FATE1: variants seen among roughly 807,000 people sequenced by gnomAD.
FATE1 encodes fetal and adult testis-expressed transcript protein.
In FATE1, 18 loss-of-function variants were observed where a neutral mutation model predicts 16.0. The ratio of observed to expected loss-of-function variants is 1.12; its 90% confidence interval spans 0.78 to 1.66. FATE1 has a LOEUF of 1.66. FATE1 is among the 40% of genes most tolerant of loss of function. The pLI is 0.00. For missense variants in FATE1, 169 were observed against 152.7 expected, an observed-to-expected ratio of 1.11 and a Z score of -0.56; for synonymous variants, 76 against 56.9, an observed-to-expected ratio of 1.34 and a Z score of -1.51.
In FATE1 at chrX:151,716,091, C is replaced by T. The variant is rs1452135611; in HGVS notation, c.-29C>T. 2 of 1,130,483 alleles carry T rather than the reference C, an allele frequency of 1.8e-6. No homozygotes were observed. The highest frequency in any genetic ancestry group is 2.4e-6 in the Non-Finnish European group (2 of 843,325). 93.2% of individuals were successfully genotyped at this position (1,130,483 alleles called of 1,213,427 possible). A position where few individuals can be genotyped will look rare whatever the true frequency, so the allele number is the denominator to read the frequency against. On this transcript the variant is annotated 5_prime_UTR_variant, in exon 1 of 5. Coordinates refer to ENST00000370350, the MANE Select transcript of FATE1 (RefSeq NM_033085.3). ...TCCTGGCACCCTGTGCATCCTTAGC[C>T]ATAGCTTACAAGAGAACAGCTGGTT...
intron 2 of FATE1, 99 bp downstream of exon 2, chrX:151,717,498 G>A (rs2062525055): frequency 2.1e-6 from 2 of 955,507 alleles, no homozygotes; most frequent in Non-Finnish European, 2.8e-6. Context: ...GCTAGACGTT[G>A]ACTTGTGAGG....
Position 151,717,385 on chromosome X carries a change from C to T in FATE1, c.220C>T (p.Arg74Ter), listed in dbSNP as rs2015070771. Residue 74 changes from arginine to a stop codon, truncating the protein, a stop_gained, in exon 2 of 5, where the codon CGA (arginine) becomes TGA (stop). Coordinates refer to ENST00000370350, the MANE Select transcript of FATE1 (RefSeq NM_033085.3). LOFTEE classifies it high-confidence loss of function. ...AKRVWNMTATRPKKMGSQLPK... is the reference protein window; with the variant it reads ...AKRVWNMTAT ...ACGAGTTTGGAATATGACTGCCACC[C>T]GACCCAAGAAAATGGTACTGTATGG... 6 of 1,202,689 alleles carry T rather than the reference C, an allele frequency of 5.0e-6. No homozygotes were observed. Among genetic ancestry groups the T allele is most frequent in the Non-Finnish European group, 6.7e-6 (6 of 890,153 alleles).
chrX:151,716,243 T>C lies in FATE1; in HGVS notation c.106+18T>C, dbSNP rs1381639449. On this transcript the variant is annotated intron_variant, in intron 1 of 4. Transcript: ENST00000370350. ...GATAGCAGGTGAGGATCCCCTAAAA[T>C]ACCCCTAGGCTACAGCCAACTGTGT... The C allele has an allele frequency of 1.8e-6, 2 of 1,139,433 alleles. No homozygotes were observed. The highest frequency in any genetic ancestry group is 2.4e-6 in the Non-Finnish European group (2 of 847,744). 93.9% of individuals were successfully genotyped at this position (1,139,433 alleles called of 1,213,427 possible).
chrX:151,722,269 A>G (rs986258874), intron 4 of FATE1, among the ~76,000 whole-genome samples: 1 of 111,874 alleles, frequency 8.9e-6, no homozygotes, highest in Non-Finnish European at 1.9e-5. Flanking sequence ...CCAGAGAGAG[A>G]GTGATACCTA....
chrX:151,719,468 C>T (rs778012979), intron 2 of FATE1, among the ~76,000 whole-genome samples: 1 of 112,225 alleles, frequency 8.9e-6, no homozygotes, highest in Non-Finnish European at 1.9e-5. Flanking sequence ...GCCATTCATC[C>T]TTATTTTTTG....
intron 4 of FATE1, 91 bp downstream of exon 4, chrX:151,722,072 A>T: frequency 1.2e-6 from 1 of 822,587 alleles, no homozygotes; most frequent in South Asian, 2.3e-5. Flanking sequence ...AGTCCCTTAC[A>T]GTCATCTTTC....
At chrX:151,721,295 A>G in intron 2 of FATE1, 100 bp from the exon 3 acceptor site, 2 of 718,704 alleles carry the variant, frequency 2.8e-6, no homozygotes, top group Non-Finnish European at 2.2e-6. Flanking sequence ...ACCAGGCACC[A>G]TGTGATTCCC....
At position 151,722,872 on chromosome X, in the gene FATE1, G is replaced by C; in HGVS notation, c.*113G>C. The stretch of plus-strand genomic sequence containing the variant: ...TTTCATCTCCCAGCAGCCCTCAGGA[G>C]CGTCAGGATCATTTTCAACTCTGGT... On this transcript the variant is annotated 3_prime_UTR_variant, in exon 5 of 5. Transcript: ENST00000370350. The C allele has an allele frequency of 1.0e-6, 1 of 992,372 alleles. No homozygotes were observed. Among genetic ancestry groups the C allele is most frequent in the Non-Finnish European group, 1.4e-6 (1 of 740,303 alleles). 81.8% of individuals were successfully genotyped at this position (992,372 alleles called of 1,213,427 possible). A position where few individuals can be genotyped will look rare whatever the true frequency, so the allele number is the denominator to read the frequency against.
intron 4 of FATE1, among the ~76,000 whole-genome samples, chrX:151,722,239 C>T (rs954808150): frequency 1.8e-5 from 2 of 111,461 alleles, no homozygotes; most frequent in Non-Finnish European, 3.8e-5. Context: ...AGGGAACATA[C>T]AAGGATAAGG....
In FATE1 at chrX:151,723,146, G is replaced by A. The variant is rs1245704737; in HGVS notation, c.*387G>A. ...CGTTTGCTTCCACCTCGTGCACAGC[G>A]CTCTGCACAGACAACACGCTCAATA... On this transcript the variant is annotated 3_prime_UTR_variant, in exon 5 of 5. Transcript: ENST00000370350. The A allele has an allele frequency of 6.8e-6, 1 of 147,223 alleles. No homozygotes were observed. The highest frequency in any genetic ancestry group is 1.3e-5 in the Non-Finnish European group (1 of 75,210). 12.1% of individuals were successfully genotyped at this position (147,223 alleles called of 1,213,427 possible).
At chrX:151,720,398 A>G (rs747764262) in intron 2 of FATE1, among the ~76,000 whole-genome samples, 1 of 111,393 alleles carries the variant, frequency 9.0e-6, no homozygotes, top group Non-Finnish European at 1.9e-5. Flanking sequence ...ATGGGTTTGT[A>G]CTGTTTTACT....
At chrX:151,717,492 G>C in intron 2 of FATE1, 93 bp downstream of exon 2, 2 of 997,209 alleles carry the variant, frequency 2.0e-6, no homozygotes, top group Non-Finnish European at 2.7e-6. Context: ...GGCAGGGCTA[G>C]ACGTTGACTT....
chrX:151,716,165 C>T lies in FATE1; in HGVS notation c.46C>T (p.Leu16=). Residue 16 remains leucine (L), a synonymous_variant, in exon 1 of 5, where the codon CTG becomes TTG. Coordinates refer to ENST00000370350, the MANE Select transcript of FATE1 (RefSeq NM_033085.3). ...PNTKAEMEMS[L]AEELNHGRQG... Reference sequence around the variant, plus strand: ...CACCAAGGCGGAGATGGAAATGTCCCTGGCAGAAGAACTGAATCATGGACG... The same window carrying T: ...CACCAAGGCGGAGATGGAAATGTCCTTGGCAGAAGAACTGAATCATGGACG... The T allele has an allele frequency of 8.6e-7, 1 of 1,167,670 alleles. No homozygotes were observed. Among genetic ancestry groups the T allele is most frequent in the Non-Finnish European group, 1.1e-6 (1 of 872,928 alleles).
In FATE1 at chrX:151,721,366, G is replaced by A. The variant is rs755696320; in HGVS notation, c.235-29G>A. 6 of 1,183,420 alleles carry A rather than the reference G, an allele frequency of 5.1e-6. No individual in the cohort carries two copies. In the African/African-American group the frequency reaches 8.8e-5, roughly 17 times the overall value. Reference sequence around the variant, plus strand: ...AAGCCACTCATGTGGGGTTGGGCAGGCTACTTTACTGACCATTCCTTTCTT... The same window carrying A: ...AAGCCACTCATGTGGGGTTGGGCAGACTACTTTACTGACCATTCCTTTCTT... On this transcript the variant is annotated intron_variant, in intron 2 of 4. Coordinates refer to ENST00000370350, the MANE Select transcript of FATE1 (RefSeq NM_033085.3).
At position 151,716,077 on chromosome X, in the gene FATE1, T is replaced by C; in HGVS notation, c.-43T>C. ...TGTGACTCCTCTGTTCCTGGCACCC[T>C]GTGCATCCTTAGCCATAGCTTACAA... is the stretch of plus-strand genomic sequence containing the variant. On this transcript the variant is annotated 5_prime_UTR_variant, in exon 1 of 5. Coordinates refer to ENST00000370350, the MANE Select transcript of FATE1 (RefSeq NM_033085.3). The C allele has an allele frequency of 1.8e-6, 2 of 1,090,726 alleles. No individual in the cohort carries two copies. Among genetic ancestry groups the C allele is most frequent in the Non-Finnish European group, 2.5e-6 (2 of 808,550 alleles). 89.9% of individuals were successfully genotyped at this position (1,090,726 alleles called of 1,213,427 possible).
chrX:151,720,099 G>C (rs1045675357), intron 2 of FATE1, among the ~76,000 whole-genome samples: 13 of 111,885 alleles, frequency 1.2e-4, no homozygotes, highest in Admixed American at 9.5e-5. Flanking sequence ...TTGGCGGTAA[G>C]TGCCTGGCTG....
chrX:151,721,889 T>C lies in FATE1; in HGVS notation c.342-14T>C. 8.3e-7 allele frequency: 1 copy of C among 1,209,303 alleles called. No individual in the cohort carries two copies. ...CACCAGCAGCTTTGACCATCTGTCT[T>C]TTTTCTCTCCCAGCAACCCAGGGAC... On this transcript the variant is annotated splice_polypyrimidine_tract_variant and intron_variant, in intron 3 of 4. Transcript: ENST00000370350.
At chrX:151,721,319 A>G (rs2015113224) in intron 2 of FATE1, 76 bp from the exon 3 acceptor site, 1 of 922,481 alleles carries the variant, frequency 1.1e-6, no homozygotes, top group African/African-American at 1.9e-5. Context: ...GGGGTGCACC[A>G]TTGGCTCTGG....
intron 2 of FATE1, among the ~76,000 whole-genome samples, chrX:151,720,818 G>A (rs1440437372): frequency 8.9e-6 from 1 of 112,212 alleles, no homozygotes; most frequent in Non-Finnish European, 1.9e-5. Context: ...ATCCCCCACT[G>A]ATGCTTCAAA....
Sources: gnomAD v4.1 joint callset for allele counts (sites outside exome capture counted in the v4.1 genomes callset) on GRCh38, gnomAD v4.1.1 for gene constraint, MANE v1.5 for transcripts, NCBI Gene and HGNC (gene_info 2026-07-23, HGNC 2026-07-21) for gene names.